The following IGDCC3 variants were observed in gnomAD, a reference collection of about 807,000 sequenced individuals.
IGDCC3 encodes putative neuronal cell adhesion molecule.
A neutral mutation model predicts 72.0 loss-of-function variants in IGDCC3; 47 were observed. The observed-to-expected ratio is 0.65, with a 90% CI of 0.52 to 0.83. IGDCC3 has a LOEUF of 0.83. IGDCC3 is among the 40% of genes least tolerant of loss of function. The pLI, the probability that IGDCC3 is intolerant of heterozygous loss-of-function variation, is 0.00. For missense variants in IGDCC3, 1,038 were observed against 1,091.3 expected (o/e 0.95, Z 0.69); for synonymous variants, 477 against 472.8 (o/e 1.01, Z -0.11).
Position 65,331,207 on chromosome 15 carries a change from C to T in IGDCC3, c.1404G>A (p.Pro468=), listed in dbSNP as rs200522013. The change falls in exon 9 of 14, where the codon CCG becomes CCA. Residue 468 remains proline (P), a synonymous_variant. Coordinates refer to ENST00000327987, the MANE Select transcript of IGDCC3 (RefSeq NM_004884.4). The part of the protein sequence containing the change: ...VLHIRKAADP[P]ELEYQEAVSK... The stretch of plus-strand genomic sequence containing the variant: ...TGACTGCCTCCTGATACTCCAGCTC[C>T]GGTGGGTCTGGAGAGGCACAGGGTG... 98 of 1,613,696 alleles carry T rather than the reference C, an allele frequency of 6.1e-5. No homozygotes were observed. The highest frequency in any genetic ancestry group is 1.4e-4 in the South Asian group (13 of 91,062).
chr15:65,367,639 C>T (rs1394346338), intron 2 of IGDCC3, among the ~76,000 whole-genome samples: 7 of 152,246 alleles, frequency 4.6e-5, no homozygotes, highest in African/African-American at 1.7e-4. Flanking sequence ...CCGCTGGCCA[C>T]TCTCCACCCA....
Position 65,335,976 on chromosome 15 carries a change from T to C in IGDCC3, c.410-20A>G. The C allele has an allele frequency of 6.2e-7, 1 of 1,613,626 alleles. No individual in the cohort carries two copies. The highest frequency in any genetic ancestry group is 8.5e-7 in the Non-Finnish European group (1 of 1,179,706). ...ACATGGCTGGGGGAAGAGAAGTGTA[T>C]GAGTGCAGTGCGCTGCTGAGGGCAG... On this transcript the variant is annotated intron_variant, in intron 2 of 13. Transcript: ENST00000327987.
At chr15:65,333,749 T>C (rs1016446980) in intron 5 of IGDCC3, among the ~76,000 whole-genome samples, 3 of 152,222 alleles carry the variant, frequency 2.0e-5, no homozygotes, top group Non-Finnish European at 4.4e-5. Context: ...TCTGGATCCA[T>C]GGTCAAATAT....
At chr15:65,375,067 A>T (rs2091349686) in intron 2 of IGDCC3, 30 bp downstream of exon 2, 1 of 1,592,368 alleles carries the variant, frequency 6.3e-7, no homozygotes, top group African/African-American at 1.3e-5. Flanking sequence ...GCTGGCTTAC[A>T]CAAAGGGAAA....
At chr15:65,362,846 ATTTTTTTTT>A (rs869239198) in intron 2 of IGDCC3, among the ~76,000 whole-genome samples, 2,864 of 85,740 alleles carry the variant, frequency 0.033, 44 homozygotes, top group South Asian at 0.11. Context: ...AGGTTTGGGG[ATTTTTTTTT>A]TTTTTTTTTT....
chr15:65,377,628 T>C lies in IGDCC3; in HGVS notation c.103+58A>G, dbSNP rs2091367184. 2 of 1,352,350 alleles carry C rather than the reference T, an allele frequency of 1.5e-6. No individual in the cohort carries two copies. The highest frequency in any genetic ancestry group is 3.0e-5 in the Admixed American group (1 of 33,308). The allele number at this position is 1,352,350 out of a possible 1,614,324, so 83.8% of individuals were successfully genotyped here. ...CCGCCCCTCGCGCCCGCTCCCTCCC[T>C]GCTCGCCCTTCCCCTGGCTCCGTCC... On this transcript the variant is annotated intron_variant, in intron 1 of 13. Transcript: ENST00000327987. The surrounding 1 kb of genome is among the most constrained non-coding windows in gnomAD (Gnocchi z 4.9).
intron 2 of IGDCC3, among the ~76,000 whole-genome samples, chr15:65,352,963 G>A (rs2091183584): frequency 6.6e-6 from 1 of 152,146 alleles, no homozygotes; most frequent in South Asian, 2.1e-4. Context: ...ATCTCTGTCT[G>A]CTATTCATGA....
intron 2 of IGDCC3, among the ~76,000 whole-genome samples, chr15:65,342,798 G>A (rs183775296): frequency 3.9e-5 from 6 of 152,350 alleles, no homozygotes; most frequent in Non-Finnish European, 8.8e-5. Context: ...CACATGGAAA[G>A]ATTTCTGTTC....
At chr15:65,337,476 C>A (rs1334098026) in intron 2 of IGDCC3, among the ~76,000 whole-genome samples, 1 of 152,080 alleles carries the variant, frequency 6.6e-6, no homozygotes, top group Non-Finnish European at 1.5e-5. Flanking sequence ...CACGTAGGTA[C>A]AGCCCTTATA....
intron 2 of IGDCC3, among the ~76,000 whole-genome samples, chr15:65,337,863 A>AG (rs1595752882): frequency 6.6e-6 from 1 of 152,164 alleles, no homozygotes; most frequent in South Asian, 2.1e-4. Flanking sequence ...CCAGTCCCCC[A>AG]GGGACCTGGG....
Position 65,338,851 on chromosome 15 carries a change from G to A in IGDCC3, c.410-2895C>T, listed in dbSNP as rs190612167. 3.4e-3 allele frequency among the ~76,000 whole-genome samples: 510 copies of A among 152,224 alleles called. 1 individual carries two copies. The highest frequency in any genetic ancestry group is 0.012 in the African/African-American group (487 of 41,546). ...CTGGGCCAGCAAACTCAGCTTAGCT[G>A]GAGTCTCCTAAAATCTTCCACACAC... is the stretch of plus-strand genomic sequence containing the variant. On this transcript the variant is annotated intron_variant, in intron 2 of 13. Transcript: ENST00000327987.
chr15:65,348,605 G>C (rs1427711679), intron 2 of IGDCC3, among the ~76,000 whole-genome samples: 1 of 152,126 alleles, frequency 6.6e-6, no homozygotes, highest in African/African-American at 2.4e-5. Flanking sequence ...CCAACTTCGG[G>C]GAGTTAGAGT....
Position 65,335,367 on chromosome 15 carries a change from G to A in IGDCC3, c.609C>T (p.Asp203=), listed in dbSNP as rs146526400. The A allele has an allele frequency of 7.2e-5, 116 of 1,613,772 alleles. No individual in the cohort carries two copies. The highest frequency in any genetic ancestry group is 5.2e-4 in the Admixed American group (31 of 59,970). Reference sequence around the variant, plus strand: ...AGGCCACACAGTGGAAGATGCCACCGTCCTCAGCTCGAAGTCCTGTGATCT... The same window carrying A: ...AGGCCACACAGTGGAAGATGCCACCATCCTCAGCTCGAAGTCCTGTGATCT... The part of the protein sequence containing the change: ...VLQITGLRAE[D]GGIFHCVASN... Residue 203 remains aspartate (D), a synonymous_variant, in exon 4 of 14, where the codon GAC becomes GAT. Transcript: ENST00000327987.
Position 65,377,690 on chromosome 15 carries a change from G to T in IGDCC3, c.99C>A (p.Ser33Arg), listed in dbSNP as rs772325665. 1.4e-6 allele frequency: 2 copies of T among 1,427,958 alleles called. No homozygotes were observed. The highest frequency in any genetic ancestry group is 1.8e-6 in the Non-Finnish European group (2 of 1,095,094). 88.5% of individuals were successfully genotyped at this position (1,427,958 alleles called of 1,614,324 possible). The change falls in exon 1 of 14, where the codon AGC becomes AGA. Residue 33 changes from serine (S) to arginine (R), a missense_variant. Physicochemically the swap from Ser to Arg is moderately radical, Grantham distance 110 (BLOSUM62 -1). Coordinates refer to ENST00000327987, the MANE Select transcript of IGDCC3 (RefSeq NM_004884.4). This position sits in a 1 kb window ranked among gnomAD's most constrained non-coding sequence, Gnocchi z 4.9. ...PLLLLLLPAP[S>R]EGLGHSAELA... Reference sequence around the variant, plus strand: ...GTCCGGGGCGCTTTCACTCACCCTCGCTCGGCGCGGGCAGCAGCAGCAACA... The same window carrying T: ...GTCCGGGGCGCTTTCACTCACCCTCTCTCGGCGCGGGCAGCAGCAGCAACA...
chr15:65,375,571 C>A (rs1272128679), intron 1 of IGDCC3, among the ~76,000 whole-genome samples, 169 bp from the exon 2 acceptor site: 1 of 152,236 alleles, frequency 6.6e-6, no homozygotes, highest in African/African-American at 2.4e-5. Context: ...TTATGCATTA[C>A]AAAGTGCCAT....
intron 2 of IGDCC3, among the ~76,000 whole-genome samples, chr15:65,348,117 G>A (rs1025629410): frequency 6.6e-6 from 1 of 152,128 alleles, no homozygotes; most frequent in Admixed American, 6.5e-5. Context: ...GCACTGTCAG[G>A]AAGTTACTCT....
rs1337289529 is a variant in IGDCC3 at position 65,377,189 on chromosome 15, C to G, written c.103+497G>C. Reference sequence around the variant, plus strand: ...CCTGTCTCTCCCGCGCACTCCTCAGCCCAGTACCAGCTCCAAATGCAGGTC... The same window carrying G: ...CCTGTCTCTCCCGCGCACTCCTCAGGCCAGTACCAGCTCCAAATGCAGGTC... On this transcript the variant is annotated intron_variant, in intron 1 of 13. Transcript: ENST00000327987. This position sits in a 1 kb window ranked among gnomAD's most constrained non-coding sequence, Gnocchi z 4.9. Among the ~76,000 whole-genome samples, 3 of 152,150 alleles carry G rather than the reference C, an allele frequency of 2.0e-5. No homozygotes were observed. The highest frequency in any genetic ancestry group is 4.4e-5 in the Non-Finnish European group (3 of 68,026).
In IGDCC3 at chr15:65,377,564, G is replaced by A; in HGVS notation, c.103+122C>T. 1.0e-6 allele frequency: 1 copy of A among 1,002,400 alleles called. No individual in the cohort carries two copies. The highest frequency in any genetic ancestry group is 1.3e-6 in the Non-Finnish European group (1 of 777,170). 62.1% of individuals were successfully genotyped at this position (1,002,400 alleles called of 1,614,324 possible). On this transcript the variant is annotated intron_variant, in intron 1 of 13. Transcript: ENST00000327987. This position sits in a 1 kb window ranked among gnomAD's most constrained non-coding sequence, Gnocchi z 4.9. Reference sequence around the variant, plus strand: ...TCCGGATCCGCAGGGTCCCCCCCGCGCGGGGTCCGCCCTCAGGTCCGCGCC... The same window carrying A: ...TCCGGATCCGCAGGGTCCCCCCCGCACGGGGTCCGCCCTCAGGTCCGCGCC...
chr15:65,366,768 T>C (rs2091290277), intron 2 of IGDCC3, among the ~76,000 whole-genome samples: 1 of 152,192 alleles, frequency 6.6e-6, no homozygotes, highest in African/African-American at 2.4e-5. Context: ...TCCCCCGGCT[T>C]GCCACTCTTC....
Sources: gnomAD v4.1 joint callset for allele counts (sites outside exome capture counted in the v4.1 genomes callset) on GRCh38, gnomAD v4.1.1 for gene constraint, Gnocchi (gnomAD v3.1) non-coding constraint, MANE v1.5 for transcripts, NCBI Gene and HGNC (gene_info 2026-07-23, HGNC 2026-07-21) for gene names.